Variants in LIFR observed in about 807,000 individuals in gnomAD.
The protein encoded by LIFR is leukemia inhibitory factor receptor.
A neutral mutation model predicts 122.2 loss-of-function variants in LIFR; 84 were observed. The ratio of observed to expected loss-of-function variants is 0.69; its 90% CI spans 0.58 to 0.82. The LOEUF (loss-of-function observed/expected upper bound fraction) is 0.82, where lower values mean the gene tolerates loss of function less well. LIFR is among the 40% of genes least tolerant of loss of function. The pLI is 0.00. For synonymous variants in LIFR, 422 were observed against 434.7 expected, an observed-to-expected ratio of 0.97 and a Z score of 0.36; for missense variants, 1,294 against 1,311.6, an observed-to-expected ratio of 0.99 and a Z score of 0.21.
chr5:38,598,252 TTTTTTTTC>T (rs1485471891), upstream of LIFR, among the ~76,000 whole-genome samples: 117 of 54,738 alleles, frequency 2.1e-3, 16 homozygotes, highest in African/African-American at 8.2e-3. Flanking sequence ...TTTATTTTTT[TTTTTTTTC>T]TTTTTAGAGG....
intron 1 of LIFR, among the ~76,000 whole-genome samples, chr5:38,546,894 C>T (rs375168138): frequency 3.3e-5 from 5 of 152,174 alleles, no homozygotes; most frequent in African/African-American, 1.2e-4. Context: ...AAACAGTCAT[C>T]TGTAATTTTA....
At chr5:38,598,148 C>A (rs1447333661), upstream of LIFR, among the ~76,000 whole-genome samples, 1 of 148,504 alleles carries the variant, frequency 6.7e-6, no homozygotes, top group Non-Finnish European at 1.5e-5. Flanking sequence ...GACTCCATGG[C>A]TATGACTGGT....
intron 5 of LIFR, among the ~76,000 whole-genome samples, chr5:38,518,589 C>T (rs1309068603): frequency 6.6e-6 from 1 of 152,166 alleles, no homozygotes; most frequent in East Asian, 1.9e-4. Context: ...AACAAACATA[C>T]TGTGCTGCTG....
At chr5:38,577,184 C>T (rs1749415246) in intron 1 of LIFR, among the ~76,000 whole-genome samples, 1 of 152,216 alleles carries the variant, frequency 6.6e-6, no homozygotes, top group East Asian at 1.9e-4. Context: ...CTCCTTTCTT[C>T]TCATCCTGAC....
At chr5:38,572,393 G>C (rs965895769) in intron 1 of LIFR, among the ~76,000 whole-genome samples, 5 of 152,194 alleles carry the variant, frequency 3.3e-5, no homozygotes, top group Non-Finnish European at 7.3e-5. Flanking sequence ...ACCAAGGGGA[G>C]AGTGTTAAAT....
At chr5:38,584,440 A>T (rs182190286) in intron 1 of LIFR, among the ~76,000 whole-genome samples, 88 of 152,250 alleles carry the variant, frequency 5.8e-4, no homozygotes, top group African/African-American at 2.1e-3. Flanking sequence ...CATGGAAACA[A>T]CCTAAGTGTC....
At chr5:38,589,447 C>G (rs1749855150) in intron 1 of LIFR, among the ~76,000 whole-genome samples, 1 of 152,052 alleles carries the variant, frequency 6.6e-6, no homozygotes, top group South Asian at 2.1e-4. Flanking sequence ...AGTAATTTTG[C>G]TTATTAAAAA....
At position 38,566,119 on chromosome 5, in the gene LIFR, T is replaced by C. The variant is rs1749017007; in HGVS notation, c.-20+29142A>G. Among the ~76,000 whole-genome samples, 3 of 152,178 alleles carry C rather than the reference T, an allele frequency of 2.0e-5. No homozygotes were observed. In the South Asian group the frequency reaches 6.2e-4, roughly 31 times the overall value. On this transcript the variant is annotated intron_variant, in intron 1 of 19. Transcript: ENST00000263409. ...TAAAATTAATTTTTATTGCTTTCTG[T>C]CTTTCATTTTTTCTTCCTATCATAG...
At chr5:38,488,739 G>A (rs865968325) in intron 16 of LIFR, among the ~76,000 whole-genome samples, 2 of 151,218 alleles carry the variant, frequency 1.3e-5, no homozygotes, top group Non-Finnish European at 3.0e-5. Flanking sequence ...CTCCACTGCT[G>A]TAAGTAAAAG....
At chr5:38,521,844 T>A (rs2112538931) in intron 5 of LIFR, among the ~76,000 whole-genome samples, 1 of 152,254 alleles carries the variant, frequency 6.6e-6, no homozygotes, top group East Asian at 1.9e-4. Context: ...GTGGGCCTAA[T>A]CTCAGGCCCC....
rs1217070743 is a variant in LIFR at position 38,493,554 on chromosome 5, C to T, written c.2065+52G>A. The T allele has an allele frequency of 2.6e-6, 4 of 1,535,862 alleles. No individual in the cohort carries two copies. The East Asian group carries it at 6.7e-5, about 26-fold the overall frequency. On this transcript the variant is annotated intron_variant, in intron 14 of 19. Transcript: ENST00000453190. ...TCACTGCACCCAGTCTTACGTGTTG[C>T]CTTTTAAAAATATTTTGTAGAACTT...
At chr5:38,565,187 C>T (rs557706134) in intron 1 of LIFR, among the ~76,000 whole-genome samples, 1 of 152,222 alleles carries the variant, frequency 6.6e-6, no homozygotes, top group South Asian at 2.1e-4. Flanking sequence ...AGTTGAAGAA[C>T]AAAGCATATC....
intron 1 of LIFR, among the ~76,000 whole-genome samples, chr5:38,577,491 C>CT (rs1216556534): frequency 1.3e-5 from 2 of 152,130 alleles, no homozygotes; most frequent in African/African-American, 2.4e-5. Flanking sequence ...CCTTGCCTGC[C>CT]TAGTCTTCCT....
chr5:38,604,567 G>C (rs1750285396), intron 2 of LIFR, among the ~76,000 whole-genome samples: 2 of 152,002 alleles, frequency 1.3e-5, no homozygotes, highest in South Asian at 4.1e-4. Flanking sequence ...ATTAGCTGGT[G>C]GTGGGCACCT....
chr5:38,514,911 C>T (rs1745994137), intron 5 of LIFR, among the ~76,000 whole-genome samples: 2 of 152,162 alleles, frequency 1.3e-5, no homozygotes, highest in South Asian at 4.1e-4. Context: ...TACCGAGCAT[C>T]TTTGAATTCT....
intron 1 of LIFR, among the ~76,000 whole-genome samples, chr5:38,577,125 G>A (rs1379186790): frequency 6.6e-6 from 1 of 152,140 alleles, no homozygotes; most frequent in African/African-American, 2.4e-5. Context: ...TTTATGATTT[G>A]GTTTCTAAAC....
intron 5 of LIFR, among the ~76,000 whole-genome samples, chr5:38,514,214 A>G (rs2731958): frequency 0.52 from 78,396 of 152,076 alleles, 22,053 homozygotes; most frequent in African/African-American, 0.75. Flanking sequence ...GAAGTTCTCA[A>G]AAAAAAGGAG....
intron 13 of LIFR, among the ~76,000 whole-genome samples, chr5:38,495,950 T>C (rs771942180): frequency 4.6e-5 from 7 of 151,658 alleles, no homozygotes; most frequent in Admixed American, 1.3e-4. Context: ...GAATTTCTTA[T>C]CAAAAAAGGT....
chr5:38,540,792 CTA>C (rs1747551320), intron 1 of LIFR, among the ~76,000 whole-genome samples: 1 of 151,152 alleles, frequency 6.6e-6, no homozygotes, highest in South Asian at 2.1e-4. Context: ...AAAAAAAACA[CTA>C]TGTGGGCCAA....
Sources: allele counts gnomAD v4.1 joint callset (sites outside exome capture counted in the v4.1 genomes callset), GRCh38; gene constraint gnomAD v4.1.1; transcripts MANE v1.5; gene names NCBI Gene and HGNC (gene_info 2026-07-23, HGNC 2026-07-21).